The following BAAT variants were observed in gnomAD, a reference collection of about 807,000 sequenced individuals.
BAAT encodes the protein bile acid CoA: amino acid N-acyltransferase (glycine N-choloyltransferase).
In BAAT, 13 loss-of-function variants were observed where a neutral mutation model predicts 18.9. The observed-to-expected ratio is 0.69, with a 90% CI of 0.45 to 1.10. The LOEUF is 1.10. Ranked by LOEUF, BAAT falls within the 50% of genes least tolerant of loss-of-function variation. BAAT has a pLI of 0.00. For synonymous variants in BAAT, 170 were observed against 190.7 expected (o/e 0.89, Z 0.89); for missense variants, 489 against 504.0 (o/e 0.97, Z 0.28).
At position 101,362,555 on chromosome 9, in the gene BAAT, G is replaced by T. The variant is rs1242210753; in HGVS notation, c.1130C>A (p.Thr377Asn). The T allele has an allele frequency of 1.2e-6, 2 of 1,613,992 alleles. No individual in the cohort carries two copies. Among genetic ancestry groups the T allele is most frequent in the Non-Finnish European group, 1.7e-6 (2 of 1,180,020 alleles). The part of the protein sequence containing the change: ...PYSPLCCAST[T>N]HDLRLHWGGE... ...TCCCCAGTGTAACCTCAAATCGTGG[G>T]TCGTTGAGGCACAGCACAGAGGAGA... Residue 377 changes from threonine (T) to asparagine (N), a missense_variant, in exon 4 of 4, where the codon ACC (threonine) becomes AAC (asparagine). Physicochemically the swap from Thr to Asn is moderately conservative, Grantham distance 65. Coordinates refer to ENST00000259407, the MANE Select transcript of BAAT (RefSeq NM_001701.4).
chr9:101,372,374 G>A (rs1829967504), intron 1 of BAAT, among the ~76,000 whole-genome samples: 1 of 151,750 alleles, frequency 6.6e-6, no homozygotes, highest in Non-Finnish European at 1.5e-5. Context: ...GGTGGTGTGT[G>A]TATTGCTCTT....
At chr9:101,365,048 T>C (rs1829803009) in intron 3 of BAAT, among the ~76,000 whole-genome samples, 1 of 152,172 alleles carries the variant, frequency 6.6e-6, no homozygotes, top group Admixed American at 6.5e-5. Context: ...GGAAACTACA[T>C]GTTCATGAGT....
chr9:101,364,625 G>C (rs1163331175), intron 3 of BAAT, among the ~76,000 whole-genome samples: 1 of 152,184 alleles, frequency 6.6e-6, no homozygotes, highest in Non-Finnish European at 1.5e-5. Flanking sequence ...GGCATTTAGA[G>C]GAACCACAAG....
intron 2 of BAAT, among the ~76,000 whole-genome samples, chr9:101,369,606 G>A (rs1057196628): frequency 2.0e-5 from 3 of 152,156 alleles, no homozygotes; most frequent in Non-Finnish European, 4.4e-5. Flanking sequence ...TGGAAGGCCT[G>A]TACCAATAAG....
At chr9:101,382,154 T>TGG (rs1479819928) in intron 1 of BAAT, among the ~76,000 whole-genome samples, 1 of 152,142 alleles carries the variant, frequency 6.6e-6, no homozygotes, top group Non-Finnish European at 1.5e-5. Context: ...TATCAGGTGA[T>TGG]GGTCACTCTG....
chr9:101,371,074 C>G lies in BAAT; in HGVS notation c.331G>C (p.Glu111Gln), dbSNP rs1475294284. The change falls in exon 2 of 4, where the codon GAG becomes CAG. Residue 111 changes from glutamate to glutamine, a missense_variant. Glu to Gln is a conservative substitution (Grantham distance 29). Transcript: ENST00000259407. ...GCAACTTTATTGTTCACTATTAACT[C>G]TAAGTCATAAAGTTTTACTTGGACC... ...FQVQVKLYDLELIVNNKVASA... is the reference protein window; with the variant it reads ...FQVQVKLYDLQLIVNNKVASA... 1.9e-6 allele frequency: 3 copies of G among 1,613,956 alleles called. No homozygotes were observed. Among genetic ancestry groups the G allele is most frequent in the Middle Eastern group, 1.6e-4 (1 of 6,082 alleles).
At chr9:101,382,475 G>A (rs766404487) in intron 1 of BAAT, among the ~76,000 whole-genome samples, 1 of 152,180 alleles carries the variant, frequency 6.6e-6, no homozygotes, top group Non-Finnish European at 1.5e-5. Flanking sequence ...GAAGGGAAAG[G>A]GGTGCAAGAT....
intron 1 of BAAT, among the ~76,000 whole-genome samples, chr9:101,381,476 A>G (rs1830131646): frequency 6.6e-6 from 1 of 152,192 alleles, no homozygotes. Flanking sequence ...GTGAGCTGTG[A>G]TCATGCCACT....
Position 101,362,755 on chromosome 9 carries a change from C to G in BAAT, c.930G>C (p.Leu310Phe), listed in dbSNP as rs764334402. 4 of 1,614,038 alleles carry G rather than the reference C, an allele frequency of 2.5e-6. No individual in the cohort carries two copies. The highest frequency in any genetic ancestry group is 3.4e-6 in the Non-Finnish European group (4 of 1,180,046). The change falls in exon 4 of 4, where the codon TTG becomes TTC. Residue 310 changes from leucine (L) to phenylalanine (F), a missense_variant. Leu to Phe is a conservative substitution (Grantham distance 22). Transcript: ENST00000259407. Reference sequence around the variant, plus strand: ...GCCCCTGGGCCTCTTCAATAGGAAACAAATATTGACTGGCCCCAACTTGAG... The same window carrying G: ...GCCCCTGGGCCTCTTCAATAGGAAAGAAATATTGACTGGCCCCAACTTGAG... Reference protein sequence around the residue: ...ETTQVGASQYLFPIEEAQGQF... With the variant: ...ETTQVGASQYFFPIEEAQGQF...
intron 2 of BAAT, 78 bp downstream of exon 2, chr9:101,370,852 ACAAGCTATT>A: frequency 7.2e-7 from 1 of 1,387,466 alleles, no homozygotes; most frequent in East Asian, 2.3e-5. Context: ...GAGTAATTCT[ACAAGCTATT>A]CAAGCTAAAT....
intron 1 of BAAT, among the ~76,000 whole-genome samples, chr9:101,384,641 C>A (rs1162512306): frequency 6.6e-6 from 1 of 152,098 alleles, no homozygotes; most frequent in African/African-American, 2.4e-5. Flanking sequence ...CATGCAATAA[C>A]CTGGATGAAT....
chr9:101,366,051 T>C (rs1329141395), intron 3 of BAAT, among the ~76,000 whole-genome samples: 2 of 152,190 alleles, frequency 1.3e-5, no homozygotes, highest in Admixed American at 6.5e-5. Context: ...ATAGTCACCA[T>C]GCTGTGCAAC....
At position 101,368,140 on chromosome 9, in the gene BAAT, A is replaced by G; in HGVS notation, c.649T>C (p.Phe217Leu). 1 of 1,612,952 alleles carries G rather than the reference A, an allele frequency of 6.2e-7. No homozygotes were observed. The highest frequency in any genetic ancestry group is 1.1e-5 in the South Asian group (1 of 91,034). The change falls in exon 3 of 4, where the codon TTT becomes CTT. Residue 217 changes from phenylalanine (F) to leucine (L), a missense_variant. Phe to Leu is a conservative substitution (Grantham distance 22). Transcript: ENST00000259407. ...ATTACCTTTGGATGTCTCAGGAGAA[A>G]GTTGGCAGCCTCCTCAAAATATTCC... is the stretch of plus-strand genomic sequence containing the variant. Reference protein sequence around the residue: ...DLEYFEEAANFLLRHPKVFGS... With the variant: ...DLEYFEEAANLLLRHPKVFGS...
rs891293356 is a variant in BAAT, at chr9:101,362,149, A to G, written c.*279T>C. On this transcript the variant is annotated 3_prime_UTR_variant, in exon 4 of 4. Coordinates refer to ENST00000259407, the MANE Select transcript of BAAT (RefSeq NM_001701.4). ...TGCCTTTTCTTATTTTTGCCAGTGTACTATACCTCAGTCCTATTTAGAAGA... is the reference window on the plus strand; with the variant it reads ...TGCCTTTTCTTATTTTTGCCAGTGTGCTATACCTCAGTCCTATTTAGAAGA... The G allele has an allele frequency of 1.9e-6, 1 of 540,468 alleles. No homozygotes were observed. The highest frequency in any genetic ancestry group is 1.9e-5 in the African/African-American group (1 of 52,624). 33.5% of individuals were successfully genotyped at this position (540,468 alleles called of 1,614,324 possible).
chr9:101,384,061 C>T (rs1337730893), intron 1 of BAAT, among the ~76,000 whole-genome samples: 2 of 152,108 alleles, frequency 1.3e-5, no homozygotes, highest in Non-Finnish European at 2.9e-5. Context: ...AAAGGACTAT[C>T]TCCATAAAAG....
At chr9:101,378,269 A>G (rs772948771) in intron 1 of BAAT, among the ~76,000 whole-genome samples, 1 of 152,228 alleles carries the variant, frequency 6.6e-6, no homozygotes, top group Non-Finnish European at 1.5e-5. Context: ...CCATATAGTC[A>G]AGACAATCCT....
In BAAT at chr9:101,368,160, T is replaced by C; in HGVS notation, c.629A>G (p.Tyr210Cys). ...PRKPEVTDLEYFEEAANFLLR... is the reference protein window; with the variant it reads ...PRKPEVTDLECFEEAANFLLR... ...GAGAAAGTTGGCAGCCTCCTCAAAA[T>C]ATTCCAAATCTGTTACTTCTGGTTT... is the stretch of plus-strand genomic sequence containing the variant. The change falls in exon 3 of 4, where the codon TAT becomes TGT. Residue 210 changes from tyrosine to cysteine, a missense_variant. By Grantham distance (194) the Tyr-to-Cys change is radical. Coordinates refer to ENST00000259407, the MANE Select transcript of BAAT (RefSeq NM_001701.4). 6.2e-7 allele frequency: 1 copy of C among 1,614,156 alleles called. No homozygotes were observed. The highest frequency in any genetic ancestry group is 8.5e-7 in the Non-Finnish European group (1 of 1,180,014).
At position 101,383,464 on chromosome 9, in the gene BAAT, A is replaced by C. The variant is rs567426961; in HGVS notation, c.-60+1391T>G. ...AATAAATAGTCCTGATTAAAATACA[A>C]AGTACCTGGATTCTTCCTCTTGAGC... On this transcript the variant is annotated intron_variant, in intron 1 of 3. Transcript: ENST00000259407. 2.0e-5 allele frequency: 3 copies of C among 152,296 alleles called. 1 individual carries two copies. The South Asian group carries it at 6.2e-4, about 32-fold the overall frequency. The allele number at this position is 152,296 out of a possible 1,614,324, so 9.4% of individuals were successfully genotyped here.
intron 2 of BAAT, among the ~76,000 whole-genome samples, chr9:101,370,482 T>A (rs1829916713): frequency 6.6e-6 from 1 of 152,020 alleles, no homozygotes; most frequent in Non-Finnish European, 1.5e-5. Flanking sequence ...ACCCAGCTAA[T>A]TTTTTAGTAT....
Sources: gnomAD v4.1 joint callset for allele counts (sites outside exome capture counted in the v4.1 genomes callset) on GRCh38, gnomAD v4.1.1 for gene constraint, MANE v1.5 for transcripts, NCBI Gene and HGNC (gene_info 2026-07-23, HGNC 2026-07-21) for gene names.